ZNF316: variants seen among roughly 807,000 people sequenced by gnomAD.
ZNF316 encodes the protein zinc finger protein 316.
A neutral mutation model predicts 75.6 loss-of-function variants in ZNF316; 23 were observed. The observed-to-expected ratio is 0.30, with a 90% CI of 0.22 to 0.43. ZNF316 has a LOEUF of 0.43. ZNF316 is among the 20% of genes least tolerant of loss of function. The pLI is 1.00. For missense variants in ZNF316, 1,266 were observed against 1,409.4 expected (o/e 0.90, Z 1.63); for synonymous variants, 827 against 666.2 (o/e 1.24, Z -3.72).
intron 8 of ZNF316, among the ~76,000 whole-genome samples, chr7:6,646,219 G>A (rs780093369): frequency 4.6e-5 from 7 of 152,190 alleles, no homozygotes; most frequent in East Asian, 3.9e-4. Flanking sequence ...GAGGCCCTTC[G>A]TGCCGCCATT....
rs899503104 is a variant in ZNF316 at position 6,657,473 on chromosome 7, G to T, written c.*2862G>T. ...CATGTCTGAAACAGACGTTTGAGTG[G>T]CAGACAAATACAAAGACCTAGTTAA... On this transcript the variant is annotated 3_prime_UTR_variant, in exon 9 of 9. Coordinates refer to ENST00000382252, the MANE Select transcript of ZNF316 (RefSeq NM_001278559.2). 6.6e-6 allele frequency among the ~76,000 whole-genome samples: 1 copy of T among 152,064 alleles called. No homozygotes were observed. The highest frequency in any genetic ancestry group is 2.4e-5 in the African/African-American group (1 of 41,400).
At chr7:6,651,654 T>C (rs143907592) in intron 8 of ZNF316, among the ~76,000 whole-genome samples, 14 of 151,390 alleles carry the variant, frequency 9.2e-5, no homozygotes, top group African/African-American at 3.1e-4. Context: ...TCGCAGCTAC[T>C]TGGGAGGCTG....
chr7:6,653,138 T>C lies in ZNF316; in HGVS notation c.1542T>C (p.Gly514=), dbSNP rs1779542948. The C allele has an allele frequency of 8.5e-7, 1 of 1,172,100 alleles. No individual in the cohort carries two copies. The highest frequency in any genetic ancestry group is 1.6e-5 in the African/African-American group (1 of 61,508). The allele number at this position is 1,172,100 out of a possible 1,614,324, so 72.6% of individuals were successfully genotyped here. A position where few individuals can be genotyped will look rare whatever the true frequency, so the allele number is the denominator to read the frequency against. The change falls in exon 9 of 9, where the codon GGT becomes GGC. Residue 514 remains glycine (G), a synonymous_variant. Coordinates refer to ENST00000382252, the MANE Select transcript of ZNF316 (RefSeq NM_001278559.2). ...GCGGGGGCTGCGCGGAGGCGGGTGGTGACGGCCCCCGGCGGGAGCCCGGCG... is the reference window on the plus strand; with the variant it reads ...GCGGGGGCTGCGCGGAGGCGGGTGGCGACGGCCCCCGGCGGGAGCCCGGCG... ...RRGGGCAEAG[G]DGPRREPGET...
chr7:6,652,492 C>G lies in ZNF316; in HGVS notation c.896C>G (p.Pro299Arg), dbSNP rs1396041917. ...DSAQTPEGWG[P>R]DPGGLGVLAD... ...GCGCAGACTCCAGAGGGGTGGGGAC[C>G]CGACCCAGGCGGCCTGGGGGTCCTG... Residue 299 changes from proline to arginine, a missense_variant, in exon 9 of 9, where the codon CCC becomes CGC. By Grantham distance (103) the Pro-to-Arg change is moderately radical (BLOSUM62 -2). Transcript: ENST00000382252. The G allele has an allele frequency of 1.6e-6, 2 of 1,231,322 alleles. No individual in the cohort carries two copies. The highest frequency in any genetic ancestry group is 2.0e-6 in the Non-Finnish European group (2 of 987,652). 76.3% of individuals were successfully genotyped at this position (1,231,322 alleles called of 1,614,324 possible). A position where few individuals can be genotyped will look rare whatever the true frequency, so the allele number is the denominator to read the frequency against.
chr7:6,644,299 G>A (rs34751372), intron 7 of ZNF316, among the ~76,000 whole-genome samples, 181 bp from the exon 8 acceptor site: 18,817 of 152,094 alleles, frequency 0.12, 1,358 homozygotes, highest in Middle Eastern at 0.18. Context: ...GAGGAGGGCA[G>A]GGGAGGACAG....
chr7:6,654,499 C>G lies in ZNF316; in HGVS notation c.2903C>G (p.Pro968Arg). 1.7e-6 allele frequency: 2 copies of G among 1,178,026 alleles called. No homozygotes were observed. The highest frequency in any genetic ancestry group is 2.1e-6 in the Non-Finnish European group (2 of 953,558). 73.0% of individuals were successfully genotyped at this position (1,178,026 alleles called of 1,614,324 possible). ...AAAKGPSSAG[P>R]GERGSALLEF... Reference sequence around the variant, plus strand: ...GCCAAGGGGCCGTCCAGTGCCGGCCCCGGTGAGCGCGGCAGCGCCCTGCTG... The same window carrying G: ...GCCAAGGGGCCGTCCAGTGCCGGCCGCGGTGAGCGCGGCAGCGCCCTGCTG... Residue 968 changes from proline to arginine, a missense_variant, in exon 9 of 9, where the codon CCC becomes CGC. Pro to Arg is a moderately radical substitution (Grantham distance 103, BLOSUM62 -2). Coordinates refer to ENST00000382252, the MANE Select transcript of ZNF316 (RefSeq NM_001278559.2).
intron 7 of ZNF316, among the ~76,000 whole-genome samples, 195 bp downstream of exon 7, chr7:6,644,143 C>A (rs1044671886): frequency 6.6e-6 from 1 of 152,146 alleles, no homozygotes. Context: ...CAGGCAGCAC[C>A]CTGAGCCAGG....
intron 2 of ZNF316, among the ~76,000 whole-genome samples, chr7:6,638,790 T>C (rs35692911): frequency 0.097 from 14,764 of 152,026 alleles, 765 homozygotes; most frequent in Middle Eastern, 0.17. Flanking sequence ...TGGTTTGGGA[T>C]TGATGCTGAT....
intron 8 of ZNF316, among the ~76,000 whole-genome samples, chr7:6,648,947 G>A (rs1779457511): frequency 6.6e-6 from 1 of 152,164 alleles, no homozygotes. Context: ...GAGGTGGGGG[G>A]ATCGTTCCTG....
chr7:6,657,638 G>A lies in ZNF316; in HGVS notation c.*3027G>A. ...GCTCAGATGGATTCCTTGAGCTCAG[G>A]AGTTCGAGGCCAGCTGGGACAACAC... is the stretch of plus-strand genomic sequence containing the variant. On this transcript the variant is annotated 3_prime_UTR_variant, in exon 9 of 9. Coordinates refer to ENST00000382252, the MANE Select transcript of ZNF316 (RefSeq NM_001278559.2). Among the ~76,000 whole-genome samples the A allele has an allele frequency of 6.6e-6, 1 of 151,990 alleles. No homozygotes were observed. Among genetic ancestry groups the A allele is most frequent in the Non-Finnish European group, 1.5e-5 (1 of 68,000 alleles).
chr7:6,654,161 CGAGAA>C lies in ZNF316; in HGVS notation c.2567_2571del (p.Glu856AlafsTer34). The stretch of plus-strand genomic sequence containing the variant: ...AGCGGCATCGGCGCACGCACACGGG[CGAGAA>C]GCCCTTCCGCTGCGCCGACTGCGGC... On this transcript the variant is annotated frameshift_variant, in exon 9 of 9. Coordinates refer to ENST00000382252, the MANE Select transcript of ZNF316 (RefSeq NM_001278559.2). LOFTEE classifies it high-confidence loss of function. 8.2e-7 allele frequency: 1 copy of C among 1,222,716 alleles called. No homozygotes were observed. Among genetic ancestry groups the C allele is most frequent in the Non-Finnish European group, 1.0e-6 (1 of 981,244 alleles). 75.7% of individuals were successfully genotyped at this position (1,222,716 alleles called of 1,614,324 possible).
chr7:6,655,657 C>T lies in ZNF316; in HGVS notation c.*1046C>T, dbSNP rs1230686336. On this transcript the variant is annotated 3_prime_UTR_variant, in exon 9 of 9. Transcript: ENST00000382252. The stretch of plus-strand genomic sequence containing the variant: ...CATAATCAGGGCCCTAGGACACTCG[C>T]AGGTCCCTTTAACTCTGCTTCTGTC... 1 of 152,266 alleles carries T rather than the reference C, an allele frequency of 6.6e-6. No homozygotes were observed. Among genetic ancestry groups the T allele is most frequent in the East Asian group, 1.9e-4 (1 of 5,190 alleles). 9.4% of individuals were successfully genotyped at this position (152,266 alleles called of 1,614,324 possible).
rs2115318780 is a variant in ZNF316, at chr7:6,652,306, C to G, written c.710C>G (p.Ala237Gly). 3 of 1,232,328 alleles carry G rather than the reference C, an allele frequency of 2.4e-6. No homozygotes were observed. The highest frequency in any genetic ancestry group is 3.0e-6 in the Non-Finnish European group (3 of 988,080). The allele number at this position is 1,232,328 out of a possible 1,614,324, so 76.3% of individuals were successfully genotyped here. A position where few individuals can be genotyped will look rare whatever the true frequency, so the allele number is the denominator to read the frequency against. The change falls in exon 9 of 9, where the codon GCC becomes GGC. Residue 237 changes from alanine to glycine, a missense_variant. Physicochemically the swap from Ala to Gly is moderately conservative, Grantham distance 60. Transcript: ENST00000382252. ...GGCCTGCCTTTGTCACCTTCAGGAG[C>G]CTGGTTCTGGACGGACGACATAGAG... ...GDIVTGVYTGAWFWTDDIEDH... is the reference protein window; with the variant it reads ...GDIVTGVYTGGWFWTDDIEDH...
At chr7:6,648,388 G>C (rs1430789261) in intron 8 of ZNF316, among the ~76,000 whole-genome samples, 1 of 152,208 alleles carries the variant, frequency 6.6e-6, no homozygotes, top group Non-Finnish European at 1.5e-5. Flanking sequence ...AGCATCGCCT[G>C]ACATTTGGGG....
intron 7 of ZNF316, 60 bp from the exon 8 acceptor site, chr7:6,644,420 C>T: frequency 1.1e-6 from 1 of 944,246 alleles, no homozygotes; most frequent in Non-Finnish European, 1.4e-6. Context: ...ACAGCACGGG[C>T]TGCAGGGCAG....
chr7:6,654,197 C>T lies in ZNF316; in HGVS notation c.2601C>T (p.Gly867=). The T allele has an allele frequency of 5.7e-6, 7 of 1,224,008 alleles. No individual in the cohort carries two copies. The highest frequency in any genetic ancestry group is 7.1e-6 in the Non-Finnish European group (7 of 982,168). The allele number at this position is 1,224,008 out of a possible 1,614,324, so 75.8% of individuals were successfully genotyped here. A position where few individuals can be genotyped will look rare whatever the true frequency, so the allele number is the denominator to read the frequency against. ...TCCGCTGCGCCGACTGCGGCCGCGG[C>T]TTCGCGCAGCGCTCCAACCTGGCCA... The part of the protein sequence containing the change: ...KPFRCADCGR[G]FAQRSNLAKH... The change falls in exon 9 of 9, where the codon GGC becomes GGT. Residue 867 remains glycine (G), a synonymous_variant. Transcript: ENST00000382252.
At position 6,643,092 on chromosome 7, in the gene ZNF316, T is replaced by C. The variant is rs1237912543; in HGVS notation, c.465+19T>C. 7.3e-6 allele frequency: 9 copies of C among 1,233,214 alleles called. No individual in the cohort carries two copies. The highest frequency in any genetic ancestry group is 3.0e-4 in the Middle Eastern group (1 of 3,330). The allele number at this position is 1,233,214 out of a possible 1,614,324, so 76.4% of individuals were successfully genotyped here. A position where few individuals can be genotyped will look rare whatever the true frequency, so the allele number is the denominator to read the frequency against. ...GTGTCAGGTGAGCCGCCCTCTCCGT[T>C]TGGGGCTTGGGTAACCTGGGCAGGG... On this transcript the variant is annotated intron_variant, in intron 6 of 8. Transcript: ENST00000382252.
rs1259404775 is a variant in ZNF316 at position 6,654,541 on chromosome 7, C to T, written c.2945C>T (p.Thr982Ile). The T allele has an allele frequency of 1.3e-5, 15 of 1,183,290 alleles. No individual in the cohort carries two copies. The highest frequency in any genetic ancestry group is 1.5e-5 in the Non-Finnish European group (14 of 956,802). The allele number at this position is 1,183,290 out of a possible 1,614,324, so 73.3% of individuals were successfully genotyped here. ...GCCCTGCTGGAGTTCGCGGGCGGCA[C>T]AAGCTTCGGCTCCGAGCACCAGGCC... The part of the protein sequence containing the change: ...GSALLEFAGG[T>I]SFGSEHQAAF... Residue 982 changes from threonine to isoleucine, a missense_variant, in exon 9 of 9, where the codon ACA becomes ATA. Thr to Ile is a moderately conservative substitution (Grantham distance 89). This residue lies in a region of ZNF316 where 111 missense variants were observed against 99.2 expected (regional missense o/e 1.12). Coordinates refer to ENST00000382252, the MANE Select transcript of ZNF316 (RefSeq NM_001278559.2).
In ZNF316 at chr7:6,657,096, C is replaced by G. The variant is rs977508757; in HGVS notation, c.*2485C>G. Among the ~76,000 whole-genome samples the G allele has an allele frequency of 6.6e-6, 1 of 152,106 alleles. No individual in the cohort carries two copies. Among genetic ancestry groups the G allele is most frequent in the South Asian group, 2.1e-4 (1 of 4,808 alleles). ...GCAACCTCTGCCTCCCAGGTTCAAGCGATTCTCCTGCCTCAGACTGCCGAG... is the reference window on the plus strand; with the variant it reads ...GCAACCTCTGCCTCCCAGGTTCAAGGGATTCTCCTGCCTCAGACTGCCGAG... On this transcript the variant is annotated 3_prime_UTR_variant, in exon 9 of 9. Transcript: ENST00000382252.
Sources: gnomAD v4.1 joint callset for allele counts (sites outside exome capture counted in the v4.1 genomes callset) on GRCh38, gnomAD v4.1.1 for gene constraint, gnomAD v4.1.1 regional missense constraint, MANE v1.5 for transcripts, NCBI Gene and HGNC (gene_info 2026-07-23, HGNC 2026-07-21) for gene names.